The following DMD variants were observed in gnomAD, a reference collection of about 807,000 sequenced individuals.
DMD encodes the protein dystrophin.
Under a neutral mutation model 330.1 loss-of-function variants are expected in DMD, and 63 were observed. That is an observed-to-expected ratio of 0.19 (90% confidence interval 0.16 to 0.24). The LOEUF is 0.24. Ranked by LOEUF, DMD falls within the 10% of genes least tolerant of loss-of-function variation. The probability of loss-of-function intolerance (pLI) is 1.00; values close to 1 mark genes in which losing one functional copy is unlikely to be tolerated. For missense variants in DMD, 3,344 were observed against 2,684.1 expected (o/e 1.25, Z -5.43); for synonymous variants, 1,223 against 959.8 (o/e 1.27, Z -5.07).
At chrX:33,288,103 C>A (rs2053460443) in intron 1 of DMD, among the ~76,000 whole-genome samples, 1 of 111,726 alleles carries the variant, frequency 9.0e-6, no homozygotes, top group Non-Finnish European at 1.9e-5. Flanking sequence ...TTATAAAAAA[C>A]CAGATATTTA....
intron 67 of DMD, among the ~76,000 whole-genome samples, chrX:31,198,219 C>G (rs766310835): frequency 9.1e-6 from 1 of 110,445 alleles, no homozygotes; most frequent in African/African-American, 3.3e-5. Context: ...ATTTTTAAAT[C>G]TTTTTACAGA....
intron 2 of DMD, among the ~76,000 whole-genome samples, chrX:32,868,803 C>T (rs1004240947): frequency 1.8e-5 from 2 of 112,265 alleles, no homozygotes; most frequent in Admixed American, 9.4e-5. Context: ...CGCAGATCAG[C>T]GGACTTAGTC....
At chrX:33,042,568 G>A (rs2094319383) in intron 1 of DMD, among the ~76,000 whole-genome samples, 1 of 112,186 alleles carries the variant, frequency 8.9e-6, no homozygotes, top group African/African-American at 3.2e-5. Context: ...GAATGTCATT[G>A]AAAGCTAAAA....
intron 16 of DMD, among the ~76,000 whole-genome samples, chrX:32,556,832 C>A (rs1415551289): frequency 9.0e-6 from 1 of 111,652 alleles, no homozygotes; most frequent in African/African-American, 3.2e-5. Context: ...ATTTCAACTT[C>A]TTGCCTTTTG....
chrX:32,769,798 T>C (rs1460769100), intron 7 of DMD, among the ~76,000 whole-genome samples: 4 of 90,530 alleles, frequency 4.4e-5, no homozygotes, highest in African/African-American at 1.8e-4. Context: ...GAGTAAACAT[T>C]ACTATCCAGG....
chrX:32,395,959 A>C (rs1184515317), intron 30 of DMD, among the ~76,000 whole-genome samples: 1 of 111,115 alleles, frequency 9.0e-6, no homozygotes, highest in Non-Finnish European at 1.9e-5. Context: ...TTTTTTTTCA[A>C]AGACTGCCCC....
At chrX:31,979,682 A>G (rs751772508) in intron 44 of DMD, among the ~76,000 whole-genome samples, 1 of 112,348 alleles carries the variant, frequency 8.9e-6, no homozygotes, top group South Asian at 3.6e-4. Context: ...AATGTTCTGC[A>G]CTTCATATTA....
chrX:31,742,730 A>T (rs762858191), intron 51 of DMD, among the ~76,000 whole-genome samples: 89 of 112,127 alleles, frequency 7.9e-4, no homozygotes, highest in African/African-American at 2.8e-3. Context: ...TTAGATCTCA[A>T]ATTATAAGAA....
At chrX:31,545,742 T>G (rs1001006747) in intron 55 of DMD, among the ~76,000 whole-genome samples, 58 of 111,437 alleles carry the variant, frequency 5.2e-4, no homozygotes, top group African/African-American at 1.9e-3. Flanking sequence ...TCTAAATCAA[T>G]GAACTCCTTA....
intron 30 of DMD, among the ~76,000 whole-genome samples, chrX:32,400,456 A>G (rs1197382978): frequency 2.7e-5 from 3 of 111,108 alleles, no homozygotes; most frequent in African/African-American, 9.9e-5. Context: ...TTGGTATCAG[A>G]ATGATGCTGG....
chrX:32,887,741 GTC>G (rs2084755647), intron 2 of DMD, among the ~76,000 whole-genome samples: 1 of 10,194 alleles, frequency 9.8e-5, no homozygotes, highest in African/African-American at 6.2e-4. Context: ...AAGCAAGACT[GTC>G]TCAAAAAAAA....
chrX:31,957,497 C>T lies in DMD; in HGVS notation c.6614+10842G>A, dbSNP rs773451437. 5.4e-5 allele frequency among the ~76,000 whole-genome samples: 6 copies of T among 111,799 alleles called. No homozygotes were observed. In the East Asian group the frequency reaches 1.7e-3, roughly 32 times the overall value. ...AATAATTAACCGGGGCAAGATTCCT[C>T]TGAAATGAGAGATAAGGCTTTCTGC... On this transcript the variant is annotated intron_variant, in intron 45 of 78. Coordinates refer to ENST00000357033, the MANE Select transcript of DMD (RefSeq NM_004006.3).
chrX:32,602,282 G>T (rs1042847762), intron 12 of DMD, among the ~76,000 whole-genome samples: 1 of 111,346 alleles, frequency 9.0e-6, no homozygotes, highest in African/African-American at 3.2e-5. Context: ...CAATTCTCTT[G>T]CCTTTCCTAC....
At chrX:32,760,541 G>C (rs972732072) in intron 7 of DMD, among the ~76,000 whole-genome samples, 25 of 111,760 alleles carry the variant, frequency 2.2e-4, no homozygotes, top group African/African-American at 8.1e-4. Context: ...CTTGAGATTA[G>C]AGACATTTGT....
chrX:32,671,118 A>C, intron 9 of DMD, among the ~76,000 whole-genome samples: 1 of 110,995 alleles, frequency 9.0e-6, no homozygotes, highest in East Asian at 2.8e-4. Flanking sequence ...TTAATATCTC[A>C]ATGTCAATAC....
At chrX:31,412,755 G>A (rs192091929) in intron 60 of DMD, among the ~76,000 whole-genome samples, 56 of 112,180 alleles carry the variant, frequency 5.0e-4, no homozygotes, top group Non-Finnish European at 9.8e-4. Context: ...TTAAGCTATT[G>A]TTACAGTTTG....
At chrX:31,575,764 AAC>A (rs1462105150) in intron 55 of DMD, among the ~76,000 whole-genome samples, 1 of 111,948 alleles carries the variant, frequency 8.9e-6, no homozygotes, top group Admixed American at 9.5e-5. Context: ...TTCCTACATA[AAC>A]AGTTTTAAAT....
intron 2 of DMD, among the ~76,000 whole-genome samples, chrX:32,964,380 A>G (rs2092042169): frequency 9.0e-6 from 1 of 110,684 alleles, no homozygotes; most frequent in South Asian, 3.8e-4. Context: ...CTTTGTATCA[A>G]TTATACTATG....
chrX:32,552,564 T>A (rs777536173), intron 16 of DMD, among the ~76,000 whole-genome samples: 3 of 111,436 alleles, frequency 2.7e-5, no homozygotes, highest in Non-Finnish European at 5.7e-5. Flanking sequence ...AAACAAAAAT[T>A]GAAAACTGGG....
Sources: allele counts gnomAD v4.1 joint callset (sites outside exome capture counted in the v4.1 genomes callset), GRCh38; gene constraint gnomAD v4.1.1; transcripts MANE v1.5; gene names NCBI Gene and HGNC (gene_info 2026-07-23, HGNC 2026-07-21).